MTFR1L: variants seen among roughly 807,000 people sequenced by gnomAD.
The protein encoded by MTFR1L is mitochondrial fission regulator 1 like, also known as mitochondrial fission regulator 1-like.
MTFR1L carries 10 observed loss-of-function variants against 27.9 expected under a neutral mutation model. The observed-to-expected ratio is 0.36, with a 90% confidence interval of 0.22 to 0.61. The LOEUF is 0.61. Ranked by LOEUF, MTFR1L falls within the 20% of genes least tolerant of loss-of-function variation. The pLI is 0.73. For missense variants in MTFR1L, 315 were observed against 363.7 expected (o/e 0.87, Z 1.09); for synonymous variants, 151 against 139.4 (o/e 1.08, Z -0.58).
chr1:25,832,341 A>ATGAC lies in MTFR1L; in HGVS notation c.*321_*324dup. 1.5e-6 allele frequency: 1 copy of ATGAC among 649,540 alleles called. No individual in the cohort carries two copies. Among genetic ancestry groups the ATGAC allele is most frequent in the Non-Finnish European group, 2.6e-6 (1 of 380,540 alleles). 40.2% of individuals were successfully genotyped at this position (649,540 alleles called of 1,614,324 possible). Reference sequence around the variant, plus strand: ...GCCCCTGTGTGAAAATAGGTCCTAAATGACTGACTTCACTGCATTAGACCC... The same window carrying ATGAC: ...GCCCCTGTGTGAAAATAGGTCCTAAATGACTGACTGACTTCACTGCATTAGACCC... On this transcript the variant is annotated 3_prime_UTR_variant, in exon 7 of 7. Transcript: ENST00000374303.
chr1:25,822,843 C>T (rs1420665779), intron 1 of MTFR1L, 176 bp from the exon 2 acceptor site: 2 of 592,550 alleles, frequency 3.4e-6, no homozygotes, highest in Non-Finnish European at 5.9e-6. Flanking sequence ...TTTAACAGAA[C>T]CTTTAAGAGT....
At chr1:25,823,795 C>T (rs768485486) in intron 3 of MTFR1L, 47 bp downstream of exon 3, 9 of 1,600,892 alleles carry the variant, frequency 5.6e-6, no homozygotes, top group Non-Finnish European at 2.6e-6. Context: ...GACAGTGCTG[C>T]TTCTGTGCCC....
chr1:25,823,054 C>T lies in MTFR1L; in HGVS notation c.-51C>T. On this transcript the variant is annotated 5_prime_UTR_variant, in exon 2 of 7. Transcript: ENST00000374303. Reference sequence around the variant, plus strand: ...ATGAAGGAGTCACGCCTCCCGCCTCCCGGAGCTGCCCAGTGGCTGCCTTGT... The same window carrying T: ...ATGAAGGAGTCACGCCTCCCGCCTCTCGGAGCTGCCCAGTGGCTGCCTTGT... The T allele has an allele frequency of 6.2e-7, 1 of 1,614,122 alleles. No homozygotes were observed. The highest frequency in any genetic ancestry group is 1.3e-5 in the African/African-American group (1 of 75,046).
intron 3 of MTFR1L, among the ~76,000 whole-genome samples, chr1:25,825,417 G>T (rs1009852245): frequency 1.3e-5 from 2 of 152,052 alleles, no homozygotes; most frequent in African/African-American, 4.8e-5. Context: ...TAATGTCTTA[G>T]TGTAGTCCTC....
At position 25,823,736 on chromosome 1, in the gene MTFR1L, G is replaced by A. The variant is rs751880717; in HGVS notation, c.117G>A (p.Arg39=). 1 of 1,613,968 alleles carries A rather than the reference G, an allele frequency of 6.2e-7. No homozygotes were observed. The highest frequency in any genetic ancestry group is 8.5e-7 in the Non-Finnish European group (1 of 1,179,944). The stretch of plus-strand genomic sequence containing the variant: ...ACCTACCCTTGAAGCCGTGTGCCCG[G>A]GCGTCCTTTGAGGTGAGTATGTTGG... ...GTNLPLKPCA[R]ASFETLPNIS... The change falls in exon 3 of 7, where the codon CGG becomes CGA. Residue 39 remains arginine, a synonymous_variant. Transcript: ENST00000374303.
In MTFR1L at chr1:25,826,523, A is replaced by C; in HGVS notation, c.240-92A>C. The C allele has an allele frequency of 3.2e-6, 5 of 1,574,126 alleles. No homozygotes were observed. Among genetic ancestry groups the C allele is most frequent in the Non-Finnish European group, 3.5e-6 (4 of 1,145,238 alleles). On this transcript the variant is annotated intron_variant, in intron 4 of 6. Coordinates refer to ENST00000374303, the MANE Select transcript of MTFR1L (RefSeq NM_001099625.2). This position sits in a 1 kb window ranked among gnomAD's most constrained non-coding sequence, Gnocchi z 4.1. ...TGGGCTCAGAGAGGAGCAGAACCTT[A>C]CTATACTACTCTCACAGAAGTGGGG...
chr1:25,822,247 C>G (rs2048103225), intron 1 of MTFR1L: 1 of 152,224 alleles, frequency 6.6e-6, no homozygotes, highest in South Asian at 2.1e-4. Context: ...CCAGGATAAA[C>G]TTTTTTGGCT....
chr1:25,831,655 A>G (rs1305281664), intron 6 of MTFR1L, among the ~76,000 whole-genome samples: 1 of 152,230 alleles, frequency 6.6e-6, no homozygotes, highest in Admixed American at 6.5e-5. Flanking sequence ...TTCAGGAAAT[A>G]GTAAAGCATT....
Position 25,826,540 on chromosome 1 carries a change from G to A in MTFR1L, c.240-75G>A. The A allele has an allele frequency of 6.3e-7, 1 of 1,590,708 alleles. No homozygotes were observed. ...AGAACCTTACTATACTACTCTCACA[G>A]AAGTGGGGGAAGGAACCTTAGGAGC... On this transcript the variant is annotated intron_variant, in intron 4 of 6. Coordinates refer to ENST00000374303, the MANE Select transcript of MTFR1L (RefSeq NM_001099625.2). The surrounding 1 kb of genome is among the most constrained non-coding windows in gnomAD (Gnocchi z 4.1).
At chr1:25,827,699 C>T (rs2048186337) in intron 5 of MTFR1L, among the ~76,000 whole-genome samples, 1 of 152,018 alleles carries the variant, frequency 6.6e-6, no homozygotes, top group Non-Finnish European at 1.5e-5. Context: ...GCTCGGCCTT[C>T]CAAAGTGCTA....
chr1:25,823,783 CAG>C (rs918532187), intron 3 of MTFR1L, 35 bp downstream of exon 3: 1 of 1,608,756 alleles, frequency 6.2e-7, no homozygotes, highest in Non-Finnish European at 8.5e-7. Flanking sequence ...AGTAGAGGCT[CAG>C]ACAGTGCTGC....
Position 25,832,765 on chromosome 1 carries a change from G to A in MTFR1L, c.*739G>A. 6.4e-6 allele frequency: 1 copy of A among 157,348 alleles called. No homozygotes were observed. 9.7% of individuals were successfully genotyped at this position (157,348 alleles called of 1,614,324 possible). ...AAAGAGAGAGGAGGAGGGGGAAAGA[G>A]CAAACCATCTTTCTTCCAGGCCCTT... On this transcript the variant is annotated 3_prime_UTR_variant, in exon 7 of 7. Coordinates refer to ENST00000374303, the MANE Select transcript of MTFR1L (RefSeq NM_001099625.2).
At chr1:25,822,982 G>C in intron 1 of MTFR1L, 37 bp from the exon 2 acceptor site, 1 of 1,557,520 alleles carries the variant, frequency 6.4e-7, no homozygotes, top group Non-Finnish European at 8.8e-7. Context: ...CACTGTGGGG[G>C]GTTGTTTCAC....
intron 1 of MTFR1L, among the ~76,000 whole-genome samples, chr1:25,821,327 G>A (rs973187804): frequency 2.6e-5 from 4 of 152,222 alleles, no homozygotes; most frequent in Admixed American, 2.6e-4. Flanking sequence ...TGGCCGACAC[G>A]GACATTCAGC....
intron 6 of MTFR1L, among the ~76,000 whole-genome samples, chr1:25,830,853 A>C (rs2048229808): frequency 6.6e-6 from 1 of 152,146 alleles, no homozygotes; most frequent in South Asian, 2.1e-4. Flanking sequence ...CCATTTAGGG[A>C]AGTCACTCTT....
At position 25,826,897 on chromosome 1, in the gene MTFR1L, G is replaced by A. The variant is rs1028164447; in HGVS notation, c.451+71G>A. The A allele has an allele frequency of 2.6e-6, 4 of 1,522,442 alleles. No individual in the cohort carries two copies. The highest frequency in any genetic ancestry group is 3.6e-6 in the Non-Finnish European group (4 of 1,118,798). 94.3% of individuals were successfully genotyped at this position (1,522,442 alleles called of 1,614,324 possible). A position where few individuals can be genotyped will look rare whatever the true frequency, so the allele number is the denominator to read the frequency against. ...TCCCCTGGCTCTTGGGCAGGATAGG[G>A]GTAAAGAAAGTGGTAATCCTTGGTT... is the stretch of plus-strand genomic sequence containing the variant. On this transcript the variant is annotated intron_variant, in intron 5 of 6. Coordinates refer to ENST00000374303, the MANE Select transcript of MTFR1L (RefSeq NM_001099625.2). This position sits in a 1 kb window ranked among gnomAD's most constrained non-coding sequence, Gnocchi z 4.1.
In MTFR1L at chr1:25,823,731, G is replaced by C; in HGVS notation, c.112G>C (p.Ala38Pro). 3 of 1,614,036 alleles carry C rather than the reference G, an allele frequency of 1.9e-6. No homozygotes were observed. Among genetic ancestry groups the C allele is most frequent in the Non-Finnish European group, 2.5e-6 (3 of 1,179,970 alleles). Reference sequence around the variant, plus strand: ...GACCAACCTACCCTTGAAGCCGTGTGCCCGGGCGTCCTTTGAGGTGAGTAT... The same window carrying C: ...GACCAACCTACCCTTGAAGCCGTGTCCCCGGGCGTCCTTTGAGGTGAGTAT... ...IGTNLPLKPCARASFETLPNI... is the reference protein window; with the variant it reads ...IGTNLPLKPCPRASFETLPNI... Residue 38 changes from alanine (A) to proline (P), a missense_variant, in exon 3 of 7, where the codon GCC (alanine) becomes CCC (proline). Physicochemically the swap from Ala to Pro is conservative, Grantham distance 27. Transcript: ENST00000374303.
At chr1:25,820,971 A>C (rs2048083489) in intron 1 of MTFR1L, 1 of 295,348 alleles carries the variant, frequency 3.4e-6, no homozygotes, top group South Asian at 2.8e-5. Flanking sequence ...AGCTCGGCGA[A>C]GGGGGTGCTG....
chr1:25,828,394 C>A lies in MTFR1L; in HGVS notation c.452-1115C>A, dbSNP rs1452783746. Among the ~76,000 whole-genome samples, 3 of 152,214 alleles carry A rather than the reference C, an allele frequency of 2.0e-5. No individual in the cohort carries two copies. In the East Asian group the frequency reaches 5.8e-4, roughly 29 times the overall value. ...GGTCAGGAGTTCGAGACCAGCCTGG[C>A]CAACATGGTGAAACCCTGTCTCTAT... On this transcript the variant is annotated intron_variant, in intron 5 of 6. Coordinates refer to ENST00000374303, the MANE Select transcript of MTFR1L (RefSeq NM_001099625.2).
Sources: gnomAD v4.1 joint callset for allele counts (sites outside exome capture counted in the v4.1 genomes callset) on GRCh38, gnomAD v4.1.1 for gene constraint, Gnocchi (gnomAD v3.1) non-coding constraint, MANE v1.5 for transcripts, NCBI Gene and HGNC (gene_info 2026-07-23, HGNC 2026-07-21) for gene names.